RASGRP3: variants seen among roughly 807,000 people sequenced by gnomAD.
The protein encoded by RASGRP3 is ras guanyl-releasing protein 3.
Under a neutral mutation model 82.7 loss-of-function variants are expected in RASGRP3, and 54 were observed. The ratio of observed to expected loss-of-function variants is 0.65; its 90% confidence interval spans 0.52 to 0.82. The LOEUF is 0.82. RASGRP3 is among the 40% of genes least tolerant of loss of function. The probability of loss-of-function intolerance (pLI) is 0.00; values close to 1 mark genes in which losing one functional copy is unlikely to be tolerated. For missense variants in RASGRP3, 861 were observed against 828.9 expected, an observed-to-expected ratio of 1.04 and a Z score of -0.48; for synonymous variants, 309 against 300.5, an observed-to-expected ratio of 1.03 and a Z score of -0.29.
Position 33,507,569 on chromosome 2 carries a change from A to C in RASGRP3, c.-260-4141A>C, listed in dbSNP as rs550703237. Reference sequence around the variant, plus strand: ...GAGACTGAGTCTCTCTATGTTGCCCAGGCAGGAGTGCAGTAGCAGGATCTC... The same window carrying C: ...GAGACTGAGTCTCTCTATGTTGCCCCGGCAGGAGTGCAGTAGCAGGATCTC... On this transcript the variant is annotated intron_variant, in intron 1 of 17. Coordinates refer to ENST00000403687, the MANE Select transcript of RASGRP3 (RefSeq NM_001139488.2). Among the ~76,000 whole-genome samples the C allele has an allele frequency of 2.6e-5, 4 of 152,364 alleles. No individual in the cohort carries two copies. The South Asian group carries it at 8.3e-4, about 32-fold the overall frequency.
chr2:33,519,783 T>C (rs770412194), intron 4 of RASGRP3, among the ~76,000 whole-genome samples, 169 bp from the exon 5 acceptor site: 15 of 152,172 alleles, frequency 9.9e-5, no homozygotes, highest in Admixed American at 2.0e-4. Context: ...TAAATCAAGT[T>C]TCAATTGTTC....
chr2:33,511,255 T>A (rs371475640), intron 1 of RASGRP3, among the ~76,000 whole-genome samples: 1 of 152,088 alleles, frequency 6.6e-6, no homozygotes, highest in Non-Finnish European at 1.5e-5. Flanking sequence ...TAAGGCCCCA[T>A]TGGGAGACTA....
chr2:33,471,341 A>ATTTTTT (rs70940204), intron 2 of RASGRP3, among the ~76,000 whole-genome samples: 33 of 106,768 alleles, frequency 3.1e-4, no homozygotes, highest in African/African-American at 5.5e-4. Context: ...ACACTGGGCT[A>ATTTTTT]TTTTTTTTTT....
At chr2:33,538,471 C>G (rs979013183) in intron 11 of RASGRP3, among the ~76,000 whole-genome samples, 2 of 151,746 alleles carry the variant, frequency 1.3e-5, no homozygotes, top group Non-Finnish European at 2.9e-5. Flanking sequence ...CCACTGCACT[C>G]CAGCCTGGGT....
chr2:33,562,285 T>TC (rs5830268), intron 17 of RASGRP3, among the ~76,000 whole-genome samples: 4 of 150,816 alleles, frequency 2.7e-5, no homozygotes, highest in African/African-American at 7.3e-5. Flanking sequence ...TTTTTTTTTT[T>TC]CTGAGACAAG....
chr2:33,476,276 C>G (rs1284291993), upstream of RASGRP3: 1 of 152,232 alleles, frequency 6.6e-6, no homozygotes, highest in Non-Finnish European at 1.5e-5. Context: ...TCTCTCTTGC[C>G]GTTCGAGAGC....
At chr2:33,459,734 A>C (rs1666254585) in intron 2 of RASGRP3, among the ~76,000 whole-genome samples, 1 of 152,144 alleles carries the variant, frequency 6.6e-6, no homozygotes. Flanking sequence ...GTATAAATGC[A>C]ATGAAGCCAG....
At chr2:33,479,626 G>C (rs561618568) in intron 1 of RASGRP3, among the ~76,000 whole-genome samples, 21 of 152,200 alleles carry the variant, frequency 1.4e-4, no homozygotes, top group South Asian at 1.0e-3. Flanking sequence ...AGGGAGGAGA[G>C]GTATGCTTTT....
chr2:33,499,141 G>T (rs1669613833), intron 1 of RASGRP3, among the ~76,000 whole-genome samples: 3 of 152,036 alleles, frequency 2.0e-5, no homozygotes, highest in African/African-American at 7.2e-5. Context: ...TCTGACCTCT[G>T]TTCCTCTCCT....
chr2:33,469,327 G>A (rs1335002119), intron 2 of RASGRP3, among the ~76,000 whole-genome samples: 1 of 151,976 alleles, frequency 6.6e-6, no homozygotes, highest in African/African-American at 2.4e-5. Context: ...GGTTTAAATC[G>A]TGAACTTTTA....
chr2:33,452,958 A>C (rs560993421), intron 2 of RASGRP3, among the ~76,000 whole-genome samples: 10 of 152,256 alleles, frequency 6.6e-5, no homozygotes, highest in African/African-American at 2.4e-4. Context: ...ATTTCACTGA[A>C]GTGGGCCCGA....
At chr2:33,534,520 ATTC>A (rs1673412980) in intron 11 of RASGRP3, 120 bp downstream of exon 11, 2 of 750,570 alleles carry the variant, frequency 2.7e-6, no homozygotes, top group Non-Finnish European at 2.2e-6. Flanking sequence ...AATTGACATT[ATTC>A]TTTCTTTTTC....
At chr2:33,539,016 G>T in intron 11 of RASGRP3, 78 bp from the exon 12 acceptor site, 1 of 1,054,056 alleles carries the variant, frequency 9.5e-7, no homozygotes, top group Non-Finnish European at 1.4e-6. Context: ...TCCAGCCTGG[G>T]CGACAGAACC....
chr2:33,457,307 G>A (rs984884900), intron 2 of RASGRP3, among the ~76,000 whole-genome samples: 28 of 151,928 alleles, frequency 1.8e-4, no homozygotes, highest in Admixed American at 1.6e-3. Flanking sequence ...AAAAAAACCT[G>A]GAACCCTCTT....
At chr2:33,437,979 C>G (rs1665015888) in intron 1 of RASGRP3, among the ~76,000 whole-genome samples, 1 of 152,228 alleles carries the variant, frequency 6.6e-6, no homozygotes, top group South Asian at 2.1e-4. Context: ...AGAGTGGACT[C>G]TAAGGTGACT....
chr2:33,526,257 C>G (rs1458484432), intron 9 of RASGRP3, among the ~76,000 whole-genome samples: 2 of 152,172 alleles, frequency 1.3e-5, no homozygotes, highest in Non-Finnish European at 2.9e-5. Context: ...GAAATGGAAA[C>G]AGACTCTGTC....
At chr2:33,499,449 C>G (rs1216966848) in intron 1 of RASGRP3, among the ~76,000 whole-genome samples, 1 of 151,952 alleles carries the variant, frequency 6.6e-6, no homozygotes, top group Non-Finnish European at 1.5e-5. Flanking sequence ...GTCCCAGCTA[C>G]TCGAAAGGTG....
chr2:33,474,057 G>C (rs1224728294), upstream of RASGRP3, among the ~76,000 whole-genome samples: 1 of 152,106 alleles, frequency 6.6e-6, no homozygotes, highest in East Asian at 1.9e-4. Flanking sequence ...AGCTCAGATG[G>C]TCATGCTCCC....
chr2:33,539,074 G>GA lies in RASGRP3; in HGVS notation c.1162-20_1162-19insA. The GA allele has an allele frequency of 7.7e-7, 1 of 1,290,636 alleles. No individual in the cohort carries two copies. Among genetic ancestry groups the GA allele is most frequent in the Non-Finnish European group, 1.1e-6 (1 of 949,244 alleles). The allele number at this position is 1,290,636 out of a possible 1,614,324, so 79.9% of individuals were successfully genotyped here. A position where few individuals can be genotyped will look rare whatever the true frequency, so the allele number is the denominator to read the frequency against. On this transcript the variant is annotated intron_variant, in intron 11 of 17. Coordinates refer to ENST00000403687, the MANE Select transcript of RASGRP3 (RefSeq NM_001139488.2). ...TAATAATAAAGTTGAAAAATATGTG[G>GA]TTTTTTTTTTGTTTATCAGCAGCCT...
Sources: allele counts gnomAD v4.1 joint callset (sites outside exome capture counted in the v4.1 genomes callset), GRCh38; gene constraint gnomAD v4.1.1; transcripts MANE v1.5; gene names NCBI Gene and HGNC (gene_info 2026-07-23, HGNC 2026-07-21).